The following SAFB variants were observed in gnomAD, a reference collection of about 807,000 sequenced individuals.
The protein encoded by SAFB is scaffold attachment factor B, also known as scaffold attachment factor B1.
In SAFB, 15 loss-of-function variants were observed where a neutral mutation model predicts 101.6. The ratio of observed to expected loss-of-function variants is 0.15; its 90% CI spans 0.10 to 0.23. The LOEUF (loss-of-function observed/expected upper bound fraction) is 0.23. Among genes scored for constraint, SAFB ranks in the 10% least tolerant of loss-of-function variants. The probability of loss-of-function intolerance (pLI) is 1.00; values close to 1 mark genes in which losing one functional copy is unlikely to be tolerated. For synonymous variants in SAFB, 449 were observed against 407.5 expected, an observed-to-expected ratio of 1.10 and a Z score of -1.23; for missense variants, 930 against 1,104.1, an observed-to-expected ratio of 0.84 and a Z score of 2.23.
chr19:5,650,722 ACTT>A (rs910897689), intron 8 of SAFB, among the ~76,000 whole-genome samples: 3 of 152,042 alleles, frequency 2.0e-5, no homozygotes, highest in African/African-American at 7.2e-5. Flanking sequence ...GCAATTGCTA[ACTT>A]TCTTAGGAAA....
chr19:5,624,267 A>G (rs1224252330), intron 1 of SAFB, among the ~76,000 whole-genome samples: 1 of 143,818 alleles, frequency 7.0e-6, no homozygotes, highest in Non-Finnish European at 1.5e-5. Flanking sequence ...AAGCAATAGG[A>G]CTTTGATTTG....
rs764932820 is a variant in SAFB, at chr19:5,667,911, C to T, written c.2624+25C>T. The T allele has an allele frequency of 9.0e-5, 142 of 1,578,964 alleles. 1 individual carries two copies. In the Middle Eastern group the frequency reaches 1.4e-3, roughly 15 times the overall value. On this transcript the variant is annotated intron_variant, in intron 20 of 20. Transcript: ENST00000588852. The surrounding 1 kb of genome is among the most constrained non-coding windows in gnomAD (Gnocchi z 4.0). ...GGTAAGGCATGCTGGGGGCGGCGCCCCTTCCCCCTGCTTTGCATATTGGCC... is the reference window on the plus strand; with the variant it reads ...GGTAAGGCATGCTGGGGGCGGCGCCTCTTCCCCCTGCTTTGCATATTGGCC...
Position 5,668,335 on chromosome 19 carries a change from T to A in SAFB, c.*44T>A. 1 of 1,596,806 alleles carries A rather than the reference T, an allele frequency of 6.3e-7. No homozygotes were observed. Among genetic ancestry groups the A allele is most frequent in the Non-Finnish European group, 8.5e-7 (1 of 1,175,622 alleles). On this transcript the variant is annotated 3_prime_UTR_variant, in exon 21 of 21. Transcript: ENST00000588852. ...CCTGTCTCGTGGCAACAAGGCTATGTTCTGTTAGGAGTTACCTTAAACTGT... is the reference window on the plus strand; with the variant it reads ...CCTGTCTCGTGGCAACAAGGCTATGATCTGTTAGGAGTTACCTTAAACTGT...
At chr19:5,649,891 CT>C (rs2053898182) in intron 7 of SAFB, 34 bp from the exon 8 acceptor site, 1 of 1,594,170 alleles carries the variant, frequency 6.3e-7, no homozygotes, top group Non-Finnish European at 8.6e-7. Flanking sequence ...CTCCATGCTG[CT>C]TCCTTGTGGA....
At chr19:5,638,928 G>T (rs185321803) in intron 2 of SAFB, among the ~76,000 whole-genome samples, 40 of 151,592 alleles carry the variant, frequency 2.6e-4, no homozygotes, top group Non-Finnish European at 4.9e-4. Context: ...TGCCATGTTG[G>T]CCAGGCTGTT....
intron 2 of SAFB, among the ~76,000 whole-genome samples, chr19:5,635,160 A>G (rs1414768828): frequency 2.6e-5 from 4 of 152,102 alleles, no homozygotes; most frequent in African/African-American, 9.7e-5. Context: ...TTTTTTACAC[A>G]GTTCCTGTTC....
intron 16 of SAFB, 108 bp downstream of exon 16, chr19:5,664,267 G>A: frequency 6.9e-7 from 1 of 1,446,824 alleles, no homozygotes; most frequent in Non-Finnish European, 9.6e-7. Context: ...TCAGATGTAT[G>A]CTGAGTCAGA....
At chr19:5,655,421 C>G (rs2261297) in intron 13 of SAFB, among the ~76,000 whole-genome samples, 8,347 of 147,042 alleles carry the variant, frequency 0.057, 276 homozygotes, top group Middle Eastern at 0.13. Context: ...GTTCATTGCA[C>G]TGCACTCTAG....
chr19:5,662,594 C>T (rs554783120), intron 15 of SAFB, among the ~76,000 whole-genome samples: 15 of 151,406 alleles, frequency 9.9e-5, no homozygotes, highest in East Asian at 7.8e-4. Flanking sequence ...AGCTCAGGCA[C>T]GTAGAGAGCG....
intron 13 of SAFB, among the ~76,000 whole-genome samples, chr19:5,655,821 G>A (rs1314911799): frequency 6.6e-6 from 1 of 152,148 alleles, no homozygotes; most frequent in Non-Finnish European, 1.5e-5. Context: ...AAAATGAGAA[G>A]GTCTCTTAAC....
rs150315979 is a variant in SAFB at position 5,658,716 on chromosome 19, G to A, written c.1862+1369G>A. Among the ~76,000 whole-genome samples the A allele has an allele frequency of 9.2e-5, 14 of 152,100 alleles. No homozygotes were observed. In the East Asian group the frequency reaches 2.1e-3, roughly 23 times the overall value. Reference sequence around the variant, plus strand: ...AAATGAACTGGGCGTGGTGGCGGGCGCCTGTAGTCCCAGCTACTCGGTAGG... The same window carrying A: ...AAATGAACTGGGCGTGGTGGCGGGCACCTGTAGTCCCAGCTACTCGGTAGG... On this transcript the variant is annotated intron_variant, in intron 14 of 20. Coordinates refer to ENST00000588852, the MANE Select transcript of SAFB (RefSeq NM_001201338.2).
intron 2 of SAFB, among the ~76,000 whole-genome samples, chr19:5,640,349 A>G (rs1208123982): frequency 3.3e-5 from 5 of 150,898 alleles, no homozygotes; most frequent in Admixed American, 2.6e-4. Flanking sequence ...GAGATTCAAG[A>G]AAGATTGGCT....
At position 5,657,328 on chromosome 19, in the gene SAFB, A is replaced by G. The variant is rs1331935969; in HGVS notation, c.1843A>G (p.Arg615Gly). 6.2e-7 allele frequency: 1 copy of G among 1,611,186 alleles called. No individual in the cohort carries two copies. Among genetic ancestry groups the G allele is most frequent in the Non-Finnish European group, 8.5e-7 (1 of 1,177,382 alleles). ...TAAGGTCAAGGAGCCTCGGAAGTCAAGAGACTCAGAGTCCCATAGGTGAGT... is the reference window on the plus strand; with the variant it reads ...TAAGGTCAAGGAGCCTCGGAAGTCAGGAGACTCAGAGTCCCATAGGTGAGT... ...FDKVKEPRKS[R>G]DSESHSRVRE... The change falls in exon 14 of 21, where the codon AGA becomes GGA. Residue 615 changes from arginine (R) to glycine (G), a missense_variant. Transcript: ENST00000588852.
intron 15 of SAFB, 108 bp downstream of exon 15, chr19:5,661,916 GC>G: frequency 3.5e-6 from 3 of 845,086 alleles, no homozygotes; most frequent in Non-Finnish European, 5.3e-6. Context: ...ACGGAGTCTT[GC>G]TTTGTCGCGG....
In SAFB at chr19:5,667,566, G is replaced by A; in HGVS notation, c.2557+116G>A. The A allele has an allele frequency of 1.3e-6, 1 of 776,610 alleles. No homozygotes were observed. Among genetic ancestry groups the A allele is most frequent in the Non-Finnish European group, 2.1e-6 (1 of 476,224 alleles). 48.1% of individuals were successfully genotyped at this position (776,610 alleles called of 1,614,324 possible). ...GGTGCTCTGCTCTCAGTGCTGGAATGAGGAATGAAGAGCACTCCAGACACC... is the reference window on the plus strand; with the variant it reads ...GGTGCTCTGCTCTCAGTGCTGGAATAAGGAATGAAGAGCACTCCAGACACC... On this transcript the variant is annotated intron_variant, in intron 19 of 20. Coordinates refer to ENST00000588852, the MANE Select transcript of SAFB (RefSeq NM_001201338.2). This position sits in a 1 kb window ranked among gnomAD's most constrained non-coding sequence, Gnocchi z 4.0.
intron 2 of SAFB, among the ~76,000 whole-genome samples, chr19:5,633,413 T>G (rs1323226357): frequency 6.6e-6 from 1 of 152,204 alleles, no homozygotes; most frequent in Non-Finnish European, 1.5e-5. Flanking sequence ...CATCTTATGC[T>G]TTTCCTGCCC....
At chr19:5,649,905 G>T in intron 7 of SAFB, 21 bp from the exon 8 acceptor site, 1 of 1,611,062 alleles carries the variant, frequency 6.2e-7, no homozygotes, top group South Asian at 1.1e-5. Context: ...CTTGTGGAGT[G>T]ACATTGTCTT....
In SAFB at chr19:5,667,198, C is replaced by T. The variant is rs199860633; in HGVS notation, c.2453+34C>T. 489 of 1,321,628 alleles carry T rather than the reference C, an allele frequency of 3.7e-4. 2 individuals are homozygous for T. The African/African-American group carries it at 6.0e-3, about 16-fold the overall frequency. 81.9% of individuals were successfully genotyped at this position (1,321,628 alleles called of 1,614,324 possible). On this transcript the variant is annotated intron_variant, in intron 18 of 20. Transcript: ENST00000588852. This position sits in a 1 kb window ranked among gnomAD's most constrained non-coding sequence, Gnocchi z 4.0. The stretch of plus-strand genomic sequence containing the variant: ...CCCACACCCGACAGTACCTGACCCC[C>T]CCCCCGCCCACAAGGGGGCCCGCAA...
chr19:5,659,130 A>T (rs1239956080), intron 14 of SAFB, among the ~76,000 whole-genome samples: 1 of 151,092 alleles, frequency 6.6e-6, no homozygotes, highest in Non-Finnish European at 1.5e-5. Flanking sequence ...TGACAGAGCG[A>T]GACTCCGTCT....
Sources: allele counts gnomAD v4.1 joint callset (sites outside exome capture counted in the v4.1 genomes callset), GRCh38; gene constraint gnomAD v4.1.1; non-coding constraint Gnocchi (gnomAD v3.1); transcripts MANE v1.5; gene names NCBI Gene and HGNC (gene_info 2026-07-23, HGNC 2026-07-21).